The following LDLRAD3 variants were observed in gnomAD, a reference collection of about 807,000 sequenced individuals.
LDLRAD3 encodes the protein low-density lipoprotein receptor class A domain-containing protein 3.
In LDLRAD3, 20 loss-of-function variants were observed where a neutral mutation model predicts 29.4. The ratio of observed to expected loss-of-function variants is 0.68; its 90% CI spans 0.48 to 0.99. The LOEUF (loss-of-function observed/expected upper bound fraction) is 0.99. Among genes scored for constraint, LDLRAD3 ranks in the 50% least tolerant of loss-of-function variants. The pLI is 0.00. For missense variants in LDLRAD3, 420 were observed against 454.3 expected (o/e 0.92, Z 0.69); for synonymous variants, 157 against 192.7 (o/e 0.81, Z 1.53).
chr11:36,001,995 G>A (rs12279993), intron 1 of LDLRAD3, among the ~76,000 whole-genome samples: 17,797 of 152,202 alleles, frequency 0.12, 1,895 homozygotes, highest in African/African-American at 0.29. Flanking sequence ...GACCCAGTGA[G>A]CAGCTCTGTT....
At chr11:35,978,524 A>G (rs1051133159) in intron 1 of LDLRAD3, among the ~76,000 whole-genome samples, 1 of 152,172 alleles carries the variant, frequency 6.6e-6, no homozygotes, top group Non-Finnish European at 1.5e-5. Context: ...TTCCTCACAC[A>G]TCTTTGGGAC....
intron 4 of LDLRAD3, among the ~76,000 whole-genome samples, chr11:36,209,386 G>T (rs1590358182): frequency 8.2e-6 from 1 of 121,750 alleles, no homozygotes; most frequent in African/African-American, 3.2e-5. Context: ...TTGAGACTGA[G>T]TCTCGCTCTG....
At chr11:36,142,898 A>G (rs1854107142) in intron 4 of LDLRAD3, among the ~76,000 whole-genome samples, 1 of 152,200 alleles carries the variant, frequency 6.6e-6, no homozygotes, top group South Asian at 2.1e-4. Flanking sequence ...TCACGCAAAA[A>G]TCCAGCTCCC....
chr11:35,965,096 G>A (rs1851322937), intron 1 of LDLRAD3, among the ~76,000 whole-genome samples: 1 of 151,866 alleles, frequency 6.6e-6, no homozygotes. Context: ...TGGATATTAT[G>A]GACCAGTAAA....
At chr11:36,072,160 C>G (rs1022207526) in intron 2 of LDLRAD3, among the ~76,000 whole-genome samples, 1 of 152,146 alleles carries the variant, frequency 6.6e-6, no homozygotes, top group Non-Finnish European at 1.5e-5. Flanking sequence ...AGGTGAGTAG[C>G]TGTTGCTCAT....
chr11:35,994,576 G>A lies in LDLRAD3; in HGVS notation c.47-41527G>A, dbSNP rs190500136. 2.7e-3 allele frequency among the ~76,000 whole-genome samples: 412 copies of A among 152,244 alleles called. 14 individuals carry two copies. Among genetic ancestry groups the A allele is most frequent in the Admixed American group, 0.024 (369 of 15,288 alleles). ...AGTGTAGTGGTTGCTGAAGGTTGGG[G>A]TGGCTGTGGCATTTTCTTAAAATAA... On this transcript the variant is annotated intron_variant, in intron 1 of 5. Coordinates refer to ENST00000315571, the MANE Select transcript of LDLRAD3 (RefSeq NM_174902.4).
intron 3 of LDLRAD3, among the ~76,000 whole-genome samples, chr11:36,086,654 T>C (rs1280272813): frequency 1.3e-5 from 2 of 152,214 alleles, no homozygotes; most frequent in Non-Finnish European, 2.9e-5. Context: ...AGCTCCTTTC[T>C]CTTCTTAGTG....
chr11:36,148,975 C>A (rs188700086), intron 4 of LDLRAD3, among the ~76,000 whole-genome samples: 1 of 152,308 alleles, frequency 6.6e-6, no homozygotes, highest in East Asian at 1.9e-4. Context: ...CCTTGTGCAT[C>A]CATCCATTTA....
chr11:36,175,740 C>G (rs1325170619), intron 4 of LDLRAD3, among the ~76,000 whole-genome samples: 1 of 152,110 alleles, frequency 6.6e-6, no homozygotes, highest in African/African-American at 2.4e-5. Context: ...TATGGTCTGT[C>G]TTAGAGAATG....
At chr11:36,090,029 C>T (rs1473840872) in intron 3 of LDLRAD3, among the ~76,000 whole-genome samples, 1 of 152,054 alleles carries the variant, frequency 6.6e-6, no homozygotes, top group African/African-American at 2.4e-5. Context: ...TTTGTCCTCA[C>T]TTTATAGATG....
intron 4 of LDLRAD3, among the ~76,000 whole-genome samples, chr11:36,174,908 G>T (rs1239715450): frequency 1.3e-5 from 2 of 152,164 alleles, no homozygotes; most frequent in Non-Finnish European, 2.9e-5. Flanking sequence ...CATGAACCCA[G>T]GAGGCAGAGC....
intron 1 of LDLRAD3, among the ~76,000 whole-genome samples, chr11:35,964,918 A>T (rs915238088): frequency 1.3e-5 from 2 of 151,806 alleles, no homozygotes; most frequent in African/African-American, 2.4e-5. Flanking sequence ...GAACCCAGGA[A>T]GTTTGAGGCT....
intron 4 of LDLRAD3, among the ~76,000 whole-genome samples, chr11:36,148,145 C>G (rs1027720700): frequency 6.6e-6 from 1 of 152,214 alleles, no homozygotes; most frequent in Non-Finnish European, 1.5e-5. Context: ...GCTGGGATTA[C>G]AGGCGTGAGC....
intron 2 of LDLRAD3, among the ~76,000 whole-genome samples, chr11:36,047,183 G>T (rs1434963703): frequency 6.6e-6 from 1 of 152,164 alleles, no homozygotes; most frequent in Non-Finnish European, 1.5e-5. Flanking sequence ...TGTTTGTCCT[G>T]CACAAGGACA....
chr11:36,135,026 C>A (rs79602452), intron 4 of LDLRAD3, among the ~76,000 whole-genome samples: 4,415 of 152,152 alleles, frequency 0.029, 218 homozygotes, highest in African/African-American at 0.099. Context: ...TTCCCTGTTT[C>A]CCCTCTCTCT....
At chr11:35,959,652 T>G (rs191377293) in intron 1 of LDLRAD3, among the ~76,000 whole-genome samples, 1 of 152,332 alleles carries the variant, frequency 6.6e-6, no homozygotes, top group East Asian at 1.9e-4. Context: ...CTAGGTGTGG[T>G]GGCTCATACC....
chr11:35,966,670 A>G (rs202108258), intron 1 of LDLRAD3, among the ~76,000 whole-genome samples: 1 of 151,886 alleles, frequency 6.6e-6, no homozygotes, highest in Non-Finnish European at 1.5e-5. Flanking sequence ...TTGTTCTGCA[A>G]TTAAACAACC....
chr11:36,162,027 G>A (rs1304434873), intron 4 of LDLRAD3, among the ~76,000 whole-genome samples: 3 of 152,078 alleles, frequency 2.0e-5, no homozygotes, highest in Admixed American at 1.3e-4. Context: ...AAGAACTGAA[G>A]TAAAACTATA....
chr11:36,188,107 T>C (rs1255684116), intron 4 of LDLRAD3, among the ~76,000 whole-genome samples: 1 of 152,014 alleles, frequency 6.6e-6, no homozygotes, highest in Non-Finnish European at 1.5e-5. Context: ...CCCAGCATGC[T>C]TTCTATGTTG....
Sources: allele counts gnomAD v4.1 joint callset (sites outside exome capture counted in the v4.1 genomes callset), GRCh38; gene constraint gnomAD v4.1.1; transcripts MANE v1.5; gene names NCBI Gene and HGNC (gene_info 2026-07-23, HGNC 2026-07-21).